The following IMMP2L variants were observed in gnomAD, a reference collection of about 807,000 sequenced individuals.
IMMP2L encodes mitochondrial inner membrane protease subunit 2.
In IMMP2L, 18 loss-of-function variants were observed where a neutral mutation model predicts 19.3. The observed-to-expected ratio is 0.93, with a 90% CI of 0.64 to 1.38. The LOEUF is 1.38. IMMP2L is among the 40% of genes most tolerant of loss of function. The pLI is 0.00. For synonymous variants in IMMP2L, 76 were observed against 73.0 expected, an observed-to-expected ratio of 1.04 and a Z score of -0.21; for missense variants, 233 against 218.2, an observed-to-expected ratio of 1.07 and a Z score of -0.43.
intron 4 of IMMP2L, among the ~76,000 whole-genome samples, chr7:110,888,082 T>C (rs906847554): frequency 6.6e-6 from 1 of 152,156 alleles, no homozygotes; most frequent in African/African-American, 2.4e-5. Flanking sequence ...CAGTAAATCA[T>C]TCATGCAACG....
At chr7:111,428,152 G>A (rs1279952156) in intron 3 of IMMP2L, among the ~76,000 whole-genome samples, 1 of 151,712 alleles carries the variant, frequency 6.6e-6, no homozygotes, top group African/African-American at 2.4e-5. Flanking sequence ...TTCTAGGAGA[G>A]TGATTTTCTT....
intron 5 of IMMP2L, among the ~76,000 whole-genome samples, chr7:110,769,592 T>A (rs1323089237): frequency 2.0e-5 from 3 of 152,156 alleles, no homozygotes; most frequent in African/African-American, 4.8e-5. Context: ...GAAGATCTGA[T>A]GGAAGACAAG....
intron 5 of IMMP2L, among the ~76,000 whole-genome samples, chr7:110,865,033 A>G (rs964253403): frequency 1.3e-5 from 2 of 152,056 alleles, no homozygotes; most frequent in Non-Finnish European, 2.9e-5. Context: ...AATATTATTT[A>G]GGATGTTCAA....
chr7:111,295,273 A>G (rs1397078715), intron 3 of IMMP2L, among the ~76,000 whole-genome samples: 1 of 151,930 alleles, frequency 6.6e-6, no homozygotes, highest in East Asian at 1.9e-4. Flanking sequence ...GTGTTGATAT[A>G]TTGCCTGAGG....
At chr7:111,364,502 T>G (rs933441766) in intron 3 of IMMP2L, among the ~76,000 whole-genome samples, 2 of 151,742 alleles carry the variant, frequency 1.3e-5, no homozygotes, top group African/African-American at 4.8e-5. Flanking sequence ...TAGGATTAAA[T>G]GAGGATGCTA....
intron 3 of IMMP2L, among the ~76,000 whole-genome samples, chr7:111,308,703 T>C (rs1248166540): frequency 1.3e-5 from 2 of 151,870 alleles, no homozygotes; most frequent in African/African-American, 4.8e-5. Context: ...AAATATAACA[T>C]TATAATAAAA....
intron 5 of IMMP2L, among the ~76,000 whole-genome samples, chr7:110,679,305 A>G (rs947742951): frequency 6.6e-6 from 1 of 152,168 alleles, no homozygotes; most frequent in South Asian, 2.1e-4. Flanking sequence ...TTGATTAAGC[A>G]GGTGATGAAA....
chr7:110,747,683 C>G (rs1050724536), intron 5 of IMMP2L, among the ~76,000 whole-genome samples: 55 of 152,150 alleles, frequency 3.6e-4, no homozygotes, highest in South Asian at 8.3e-4. Flanking sequence ...AAAAAGCCTT[C>G]GAAAAAATTC....
intron 3 of IMMP2L, among the ~76,000 whole-genome samples, chr7:111,419,878 T>C (rs1472450883): frequency 1.3e-5 from 2 of 151,762 alleles, no homozygotes; most frequent in Admixed American, 6.6e-5. Flanking sequence ...GTCCTATTCA[T>C]AGAAAAAGAA....
intron 3 of IMMP2L, among the ~76,000 whole-genome samples, chr7:111,384,054 GAA>G (rs1468575345): frequency 6.6e-6 from 1 of 151,968 alleles, no homozygotes; most frequent in African/African-American, 2.4e-5. Flanking sequence ...TGAGGTGGGG[GAA>G]ACATTTGAGA....
chr7:111,520,127 T>C (rs1489317574), intron 2 of IMMP2L, among the ~76,000 whole-genome samples: 1 of 152,150 alleles, frequency 6.6e-6, no homozygotes, highest in Non-Finnish European at 1.5e-5. Context: ...ATCTTAAACA[T>C]ATTAAAGTGT....
chr7:111,186,935 C>T (rs1404225718), intron 3 of IMMP2L, among the ~76,000 whole-genome samples: 2 of 151,160 alleles, frequency 1.3e-5, no homozygotes, highest in African/African-American at 2.4e-5. Flanking sequence ...CTCGTCCTTG[C>T]TTTTTTTAAA....
intron 3 of IMMP2L, among the ~76,000 whole-genome samples, chr7:111,457,541 C>T (rs1419148526): frequency 6.6e-6 from 1 of 152,150 alleles, no homozygotes; most frequent in Non-Finnish European, 1.5e-5. Context: ...ATACAAGATA[C>T]TGAAACATTT....
chr7:110,775,674 G>A (rs1799335137), intron 5 of IMMP2L, among the ~76,000 whole-genome samples: 1 of 151,978 alleles, frequency 6.6e-6, no homozygotes, highest in African/African-American at 2.4e-5. Flanking sequence ...TGAAAGCTCT[G>A]AAGAATAAAA....
chr7:110,996,200 G>A (rs547175210), intron 3 of IMMP2L, among the ~76,000 whole-genome samples: 11 of 152,200 alleles, frequency 7.2e-5, no homozygotes, highest in African/African-American at 1.2e-4. Context: ...GACCTAGTTC[G>A]GAAAATCAGG....
At chr7:110,861,125 G>GAC (rs111249717) in intron 5 of IMMP2L, among the ~76,000 whole-genome samples, 1 of 146,010 alleles carries the variant, frequency 6.8e-6, no homozygotes, top group Admixed American at 6.8e-5. Context: ...GAGAGAGAGA[G>GAC]AGAGACAGAG....
chr7:111,321,669 A>C (rs906765973), intron 3 of IMMP2L, among the ~76,000 whole-genome samples: 36 of 151,944 alleles, frequency 2.4e-4, no homozygotes, highest in Non-Finnish European at 1.5e-4. Context: ...CTATGCTCTA[A>C]ATCACCAAAT....
chr7:110,663,838 G>C (rs1042853572), intron 5 of IMMP2L, 117 bp from the exon 6 acceptor site: 2 of 624,526 alleles, frequency 3.2e-6, no homozygotes, highest in East Asian at 6.3e-5. Context: ...AAGTGATGAT[G>C]AATAAAAAAA....
chr7:110,718,090 T>A (rs1003994291), intron 5 of IMMP2L, among the ~76,000 whole-genome samples: 3 of 152,108 alleles, frequency 2.0e-5, no homozygotes, highest in African/African-American at 7.2e-5. Flanking sequence ...AAATGGGACT[T>A]CTCTATCTAT....
Sources: allele counts gnomAD v4.1 joint callset (sites outside exome capture counted in the v4.1 genomes callset), GRCh38; gene constraint gnomAD v4.1.1; transcripts MANE v1.5; gene names NCBI Gene and HGNC (gene_info 2026-07-23, HGNC 2026-07-21).